The following ZNF804B variants were observed in gnomAD, a reference collection of about 807,000 sequenced individuals.
ZNF804B encodes zinc finger protein 804B.
A neutral mutation model predicts 101.4 loss-of-function variants in ZNF804B; 80 were observed. The observed-to-expected ratio is 0.79, with a 90% CI of 0.66 to 0.95. The LOEUF is 0.95. ZNF804B is among the 40% of genes least tolerant of loss of function. The pLI is 0.00. For missense variants in ZNF804B, 1,673 were observed against 1,561.9 expected, an observed-to-expected ratio of 1.07 and a Z score of -1.20; for synonymous variants, 622 against 558.8, an observed-to-expected ratio of 1.11 and a Z score of -1.59.
At chr7:89,054,375 T>C (rs1373765603) in intron 1 of ZNF804B, among the ~76,000 whole-genome samples, 1 of 150,334 alleles carries the variant, frequency 6.7e-6, no homozygotes, top group Non-Finnish European at 1.5e-5. Context: ...TAAAACACTT[T>C]CTGGAGAGAA....
chr7:89,122,817 A>G (rs1562890251), intron 1 of ZNF804B, among the ~76,000 whole-genome samples: 1 of 152,126 alleles, frequency 6.6e-6, no homozygotes, highest in Non-Finnish European at 1.5e-5. Context: ...AATTTACATT[A>G]TTGTGCCTTG....
chr7:88,807,065 A>T (rs896911322), intron 1 of ZNF804B, among the ~76,000 whole-genome samples: 2 of 152,184 alleles, frequency 1.3e-5, no homozygotes, highest in East Asian at 3.9e-4. Flanking sequence ...AAAATGAAAA[A>T]TCCATATCTT....
At chr7:89,230,356 T>G (rs760609495) in intron 2 of ZNF804B, among the ~76,000 whole-genome samples, 2 of 151,610 alleles carry the variant, frequency 1.3e-5, no homozygotes, top group Admixed American at 6.6e-5. Context: ...AAAGAAATAG[T>G]ATAAGTGACT....
chr7:89,248,121 T>G (rs1789479291), intron 2 of ZNF804B, among the ~76,000 whole-genome samples: 1 of 152,118 alleles, frequency 6.6e-6, no homozygotes, highest in African/African-American at 2.4e-5. Context: ...AGCAACCAAA[T>G]CTATGAATTC....
At chr7:88,985,497 A>G (rs1793746786) in intron 1 of ZNF804B, among the ~76,000 whole-genome samples, 2 of 151,636 alleles carry the variant, frequency 1.3e-5, no homozygotes, top group Non-Finnish European at 2.9e-5. Flanking sequence ...GTGAAGGGCG[A>G]TGGGAGAGTC....
At chr7:88,836,827 G>A (rs995178129) in intron 1 of ZNF804B, among the ~76,000 whole-genome samples, 1 of 151,928 alleles carries the variant, frequency 6.6e-6, no homozygotes. Context: ...ATTCAGAGGA[G>A]TGAACAGGGG....
At chr7:89,030,167 G>T (rs997119914) in intron 1 of ZNF804B, among the ~76,000 whole-genome samples, 2 of 152,102 alleles carry the variant, frequency 1.3e-5, no homozygotes, top group Non-Finnish European at 2.9e-5. Flanking sequence ...CTGGGTCCCA[G>T]ACTGATGCCA....
intron 1 of ZNF804B, among the ~76,000 whole-genome samples, chr7:89,162,363 CA>C (rs1791079584): frequency 6.6e-6 from 1 of 152,124 alleles, no homozygotes; most frequent in East Asian, 1.9e-4. Context: ...GTAGTTTTTC[CA>C]AATGCATTTT....
At chr7:89,289,790 G>C (rs1790258260) in intron 2 of ZNF804B, among the ~76,000 whole-genome samples, 1 of 152,200 alleles carries the variant, frequency 6.6e-6, no homozygotes, top group Non-Finnish European at 1.5e-5. Flanking sequence ...AGGCCACAAA[G>C]ACTCCAACTC....
chr7:88,814,161 A>T (rs1478615983), intron 1 of ZNF804B, among the ~76,000 whole-genome samples: 1 of 152,170 alleles, frequency 6.6e-6, no homozygotes, highest in Non-Finnish European at 1.5e-5. Context: ...TCTGGAAAAC[A>T]TTTTGTCAAG....
At chr7:88,863,318 G>A (rs1164987277) in intron 1 of ZNF804B, among the ~76,000 whole-genome samples, 1 of 152,138 alleles carries the variant, frequency 6.6e-6, no homozygotes, top group Non-Finnish European at 1.5e-5. Flanking sequence ...TTGTCCTCCA[G>A]AAAAAGCTGG....
In ZNF804B at chr7:89,103,048, GTTTTTTTTTTTTTT is replaced by G. The variant is rs56693128; in HGVS notation, c.109-115085_109-115072del. Among the ~76,000 whole-genome samples, 166 of 33,754 alleles carry G rather than the reference GTTTTTTTTTTTTTT, an allele frequency of 4.9e-3. 1 individual carries two copies. The highest frequency in any genetic ancestry group is 0.017 in the African/African-American group (156 of 9,380). The allele number at this position is 33,754 out of a possible 152,430, so 22.1% of individuals were successfully genotyped here. ...TTCTATTCCATTGACCTATGTGTCTGTTTTTTTTTTTTTTTTTTTTTTTTTTTTTTTTTTTACCA... is the reference window on the plus strand; with the variant it reads ...TTCTATTCCATTGACCTATGTGTCTGTTTTTTTTTTTTTTTTTTTTTACCA... On this transcript the variant is annotated intron_variant, in intron 1 of 3. Transcript: ENST00000333190.
At chr7:88,927,348 T>G (rs1792819677) in intron 1 of ZNF804B, among the ~76,000 whole-genome samples, 1 of 152,200 alleles carries the variant, frequency 6.6e-6, no homozygotes, top group Non-Finnish European at 1.5e-5. Context: ...CACAAACTAC[T>G]GACACTTGAA....
At chr7:88,861,956 G>A (rs569499034) in intron 1 of ZNF804B, among the ~76,000 whole-genome samples, 2 of 152,244 alleles carry the variant, frequency 1.3e-5, no homozygotes, top group South Asian at 4.1e-4. Context: ...ATGCTGTGTT[G>A]GGGCTGGGGG....
rs147475035 is a variant in ZNF804B, at chr7:88,827,936, A to G, written c.108+67852A>G. On this transcript the variant is annotated intron_variant, in intron 1 of 3. Coordinates refer to ENST00000333190, the MANE Select transcript of ZNF804B (RefSeq NM_181646.5). ...AGATACAAAAATCTTCTTTTTTTCT[A>G]TCTCTGCTGCATGATTGTAATTGCC... Among the ~76,000 whole-genome samples the G allele has an allele frequency of 9.7e-3, 1,479 of 152,172 alleles. 22 individuals carry two copies. Among genetic ancestry groups the G allele is most frequent in the African/African-American group, 0.034 (1,398 of 41,534 alleles).
chr7:88,880,783 C>G (rs1477901044), intron 1 of ZNF804B, among the ~76,000 whole-genome samples: 2 of 151,992 alleles, frequency 1.3e-5, no homozygotes, highest in Non-Finnish European at 2.9e-5. Context: ...TGATGACTTT[C>G]CATTTTCAAT....
chr7:88,810,892 A>T (rs576430259), intron 1 of ZNF804B, among the ~76,000 whole-genome samples: 51 of 152,212 alleles, frequency 3.4e-4, no homozygotes, highest in South Asian at 1.0e-3. Context: ...CAGATGTAAA[A>T]TATGTGGCAA....
At chr7:89,285,067 A>C (rs551421928) in intron 2 of ZNF804B, among the ~76,000 whole-genome samples, 4 of 152,062 alleles carry the variant, frequency 2.6e-5, no homozygotes, top group African/African-American at 7.2e-5. Context: ...AAATTTAAAA[A>C]AAATAGCCAG....
At chr7:88,775,533 G>A (rs905148113) in intron 1 of ZNF804B, among the ~76,000 whole-genome samples, 8 of 152,132 alleles carry the variant, frequency 5.3e-5, no homozygotes, top group Non-Finnish European at 1.2e-4. Context: ...AATGAGATAG[G>A]TAACCATGAC....
Sources: allele counts gnomAD v4.1 joint callset (sites outside exome capture counted in the v4.1 genomes callset), GRCh38; gene constraint gnomAD v4.1.1; transcripts MANE v1.5; gene names NCBI Gene and HGNC (gene_info 2026-07-23, HGNC 2026-07-21).